The following MEI4 variants were observed in gnomAD, a reference collection of about 807,000 sequenced individuals.
MEI4 encodes the protein meiosis-specific protein MEI4.
Under a neutral mutation model 31.4 loss-of-function variants are expected in MEI4, and 27 were observed. The observed-to-expected ratio is 0.86, with a 90% CI of 0.63 to 1.19. The LOEUF (loss-of-function observed/expected upper bound fraction) is 1.19. Ranked by LOEUF, MEI4 falls within the 50% of genes most tolerant of loss-of-function variation. The pLI, the probability that MEI4 is intolerant of heterozygous loss-of-function variation, is 0.00. For synonymous variants in MEI4, 122 were observed against 145.4 expected (o/e 0.84, Z 1.16); for missense variants, 329 against 398.9 (o/e 0.82, Z 1.49).
At position 77,860,624 on chromosome 6, in the gene MEI4, T is replaced by G. The variant is rs1770841949; in HGVS notation, c.900+31562T>G. Among the ~76,000 whole-genome samples, 6 of 152,188 alleles carry G rather than the reference T, an allele frequency of 3.9e-5. No homozygotes were observed. In the South Asian group the frequency reaches 1.0e-3, roughly 26 times the overall value. ...CACTGATAAAATGAGAGTTTTTACT[T>G]TGTATTTATGTCTCCCTAGCCATAT... On this transcript the variant is annotated intron_variant, in intron 4 of 4. Coordinates refer to ENST00000684080, the MANE Select transcript of MEI4 (RefSeq NM_001322247.2).
chr6:77,910,356 A>G (rs1306394783), intron 4 of MEI4, among the ~76,000 whole-genome samples: 1 of 152,218 alleles, frequency 6.6e-6, no homozygotes, highest in Non-Finnish European at 1.5e-5. Flanking sequence ...CAACTTCAGC[A>G]AAGTCTCAAG....
At chr6:77,717,988 A>G (rs1766619924) in intron 2 of MEI4, among the ~76,000 whole-genome samples, 1 of 50,764 alleles carries the variant, frequency 2.0e-5, no homozygotes. Context: ...GCTGTTGGGT[A>G]CACCTGCAGA....
intron 2 of MEI4, among the ~76,000 whole-genome samples, chr6:77,692,146 G>T (rs1016143965): frequency 2.6e-5 from 4 of 151,756 alleles, no homozygotes; most frequent in African/African-American, 9.7e-5. Flanking sequence ...TATTGCCATG[G>T]TCCTCTCCTA....
At chr6:77,797,542 G>A (rs1195475927) in intron 3 of MEI4, among the ~76,000 whole-genome samples, 2 of 152,134 alleles carry the variant, frequency 1.3e-5, no homozygotes, top group East Asian at 3.9e-4. Context: ...AGCCTCAAAA[G>A]TAGGGAAGCC....
At chr6:77,860,576 T>C (rs2127720969) in intron 4 of MEI4, among the ~76,000 whole-genome samples, 1 of 152,288 alleles carries the variant, frequency 6.6e-6, no homozygotes, top group African/African-American at 2.4e-5. Flanking sequence ...CTTTATGACA[T>C]TTCAAAGTAT....
intron 4 of MEI4, among the ~76,000 whole-genome samples, chr6:77,836,171 T>A (rs1770215255): frequency 1.3e-5 from 2 of 152,178 alleles, no homozygotes; most frequent in African/African-American, 4.8e-5. Context: ...AGACATGTAT[T>A]GATTTAAAAT....
chr6:77,697,551 T>G (rs1361857638), intron 2 of MEI4, among the ~76,000 whole-genome samples: 1 of 152,228 alleles, frequency 6.6e-6, no homozygotes, highest in East Asian at 1.9e-4. Context: ...AAGCATGTTG[T>G]TCAGTTTCCA....
chr6:77,873,410 A>T (rs909594633), intron 4 of MEI4, among the ~76,000 whole-genome samples: 3 of 152,012 alleles, frequency 2.0e-5, no homozygotes, highest in African/African-American at 7.2e-5. Flanking sequence ...TTCTTTTGAG[A>T]AGTGTCTGTT....
intron 4 of MEI4, among the ~76,000 whole-genome samples, chr6:77,880,576 CA>C (rs1213244486): frequency 6.6e-5 from 10 of 152,114 alleles, no homozygotes; most frequent in African/African-American, 2.4e-4. Context: ...TTAAGTTAAA[CA>C]TAAAAGTATG....
chr6:77,792,048 T>A (rs1016596154), intron 3 of MEI4, among the ~76,000 whole-genome samples: 53 of 152,308 alleles, frequency 3.5e-4, no homozygotes, highest in Middle Eastern at 3.4e-3. Flanking sequence ...AGGGTATTTG[T>A]CTTTTTGTGC....
At chr6:77,904,890 T>C (rs953594280) in intron 4 of MEI4, among the ~76,000 whole-genome samples, 2 of 152,180 alleles carry the variant, frequency 1.3e-5, no homozygotes, top group East Asian at 1.9e-4. Context: ...TTATTTTTAG[T>C]ATTTTTTCTT....
At chr6:77,921,335 T>A (rs982525262) in intron 4 of MEI4, among the ~76,000 whole-genome samples, 5 of 151,860 alleles carry the variant, frequency 3.3e-5, no homozygotes, top group African/African-American at 9.7e-5. Flanking sequence ...TGTAGCTTCC[T>A]CACTTTGCTC....
chr6:77,798,863 G>T (rs1435725995), intron 3 of MEI4, among the ~76,000 whole-genome samples: 1 of 151,796 alleles, frequency 6.6e-6, no homozygotes, highest in Non-Finnish European at 1.5e-5. Context: ...TGGTGTATAT[G>T]TGCCAAATTT....
At chr6:77,837,978 CAT>C (rs1770262810) in intron 4 of MEI4, among the ~76,000 whole-genome samples, 1 of 152,164 alleles carries the variant, frequency 6.6e-6, no homozygotes, top group South Asian at 2.1e-4. Context: ...CCACCTATCT[CAT>C]ACAGTTTTTG....
chr6:77,731,747 T>A (rs1454195674), intron 2 of MEI4, among the ~76,000 whole-genome samples: 1 of 151,756 alleles, frequency 6.6e-6, no homozygotes, highest in Admixed American at 6.6e-5. Flanking sequence ...TCTTCTAGGG[T>A]TTTTATGGTT....
chr6:77,820,312 G>A lies in MEI4; in HGVS notation c.769-8619G>A, dbSNP rs557823496. Among the ~76,000 whole-genome samples the A allele has an allele frequency of 4.6e-5, 7 of 151,962 alleles. No homozygotes were observed. In the East Asian group the frequency reaches 5.8e-4, roughly 13 times the overall value. On this transcript the variant is annotated intron_variant, in intron 3 of 4. Transcript: ENST00000684080. This position sits in a 1 kb window ranked among gnomAD's most constrained non-coding sequence, Gnocchi z 4.5. ...TGCCCAGGCTGGAGGGCAATAGCGC[G>A]ATCTTGGCTCACTTTGGCTCACTGC...
At chr6:77,796,347 C>T (rs1010696649) in intron 3 of MEI4, among the ~76,000 whole-genome samples, 7 of 152,042 alleles carry the variant, frequency 4.6e-5, no homozygotes, top group Non-Finnish European at 7.4e-5. Context: ...TTCAGCATAT[C>T]AATGGAGGTC....
intron 4 of MEI4, among the ~76,000 whole-genome samples, chr6:77,878,803 TG>T (rs1373705668): frequency 1.4e-4 from 21 of 152,172 alleles, no homozygotes; most frequent in Non-Finnish European, 4.4e-5. Flanking sequence ...AAAAATCTCA[TG>T]GTTTAACTTA....
intron 1 of MEI4, among the ~76,000 whole-genome samples, chr6:77,669,234 T>C (rs890919509): frequency 5.9e-5 from 9 of 152,218 alleles, no homozygotes; most frequent in African/African-American, 1.2e-4. Context: ...TGTGTGTGTG[T>C]GCGTACATAC....
Sources: allele counts gnomAD v4.1 joint callset (sites outside exome capture counted in the v4.1 genomes callset), GRCh38; gene constraint gnomAD v4.1.1; non-coding constraint Gnocchi (gnomAD v3.1); transcripts MANE v1.5; gene names NCBI Gene and HGNC (gene_info 2026-07-23, HGNC 2026-07-21).